CSF1: variants seen among roughly 807,000 people sequenced by gnomAD.
CSF1 encodes colony stimulating factor 1.
A neutral mutation model predicts 48.9 loss-of-function variants in CSF1; 9 were observed. The ratio of observed to expected loss-of-function variants is 0.18; its 90% CI spans 0.11 to 0.32. The LOEUF is 0.32. Among genes scored for constraint, CSF1 ranks in the 10% least tolerant of loss-of-function variants. The probability of loss-of-function intolerance (pLI) is 1.00; values close to 1 mark genes in which losing one functional copy is unlikely to be tolerated. For synonymous variants in CSF1, 305 were observed against 284.1 expected (o/e 1.07, Z -0.74); for missense variants, 672 against 697.9 (o/e 0.96, Z 0.42).
In CSF1 at chr1:109,930,209, G is replaced by A. The variant is rs1648011518; in HGVS notation, c.*1371G>A. ...CTCACCCTTCTTTCCTCCTGACCTT[G>A]GTCAGCAGTGATGACCTCCAACTCT... is the stretch of plus-strand genomic sequence containing the variant. On this transcript the variant is annotated 3_prime_UTR_variant, in exon 9 of 9. Transcript: ENST00000329608. 6.6e-6 allele frequency: 1 copy of A among 152,332 alleles called. No individual in the cohort carries two copies. Among genetic ancestry groups the A allele is most frequent in the Non-Finnish European group, 1.5e-5 (1 of 68,184 alleles). 9.4% of individuals were successfully genotyped at this position (152,332 alleles called of 1,614,324 possible).
chr1:109,924,341 G>A (rs944540246), intron 6 of CSF1, 151 bp downstream of exon 6: 3 of 683,140 alleles, frequency 4.4e-6, no homozygotes, highest in Non-Finnish European at 4.8e-6. Flanking sequence ...ATGAGAGGTG[G>A]AAATGGAGGA....
chr1:109,923,180 C>A lies in CSF1; in HGVS notation c.559C>A (p.Pro187Thr), dbSNP rs756181383. ...GGTTCTTTCAGATGTGGTGACCAAG[C>A]CTGATTGCAACTGCCTGTACCCCAA... is the stretch of plus-strand genomic sequence containing the variant. The part of the protein sequence containing the change: ...ECSSQDVVTK[P>T]DCNCLYPKAI... Residue 187 changes from proline (P) to threonine (T), a missense_variant, in exon 6 of 9, where the codon CCT (proline) becomes ACT (threonine). Coordinates refer to ENST00000329608, the MANE Select transcript of CSF1 (RefSeq NM_000757.6). The A allele has an allele frequency of 2.0e-6, 3 of 1,518,822 alleles. No homozygotes were observed. Among genetic ancestry groups the A allele is most frequent in the Admixed American group, 2.2e-5 (1 of 44,832 alleles). 94.1% of individuals were successfully genotyped at this position (1,518,822 alleles called of 1,614,324 possible).
intron 4 of CSF1, among the ~76,000 whole-genome samples, chr1:109,918,385 G>A (rs1400960165): frequency 2.0e-5 from 3 of 152,162 alleles, no homozygotes; most frequent in African/African-American, 7.2e-5. Flanking sequence ...ACAGGCATGT[G>A]GCTTAATCTC....
Position 109,930,766 on chromosome 1 carries a change from C to T in CSF1, c.*1928C>T, listed in dbSNP as rs946315900. 7.2e-5 allele frequency: 11 copies of T among 152,196 alleles called. No homozygotes were observed. The highest frequency in any genetic ancestry group is 1.0e-4 in the Non-Finnish European group (7 of 68,036). The allele number at this position is 152,196 out of a possible 1,614,324, so 9.4% of individuals were successfully genotyped here. A position where few individuals can be genotyped will look rare whatever the true frequency, so the allele number is the denominator to read the frequency against. On this transcript the variant is annotated 3_prime_UTR_variant, in exon 9 of 9. Coordinates refer to ENST00000329608, the MANE Select transcript of CSF1 (RefSeq NM_000757.6). Reference sequence around the variant, plus strand: ...GCTCTTTTTGAGCACTTGGTGGCATCAGAGCAGGAGGAGCCCCAGAGCCAC... The same window carrying T: ...GCTCTTTTTGAGCACTTGGTGGCATTAGAGCAGGAGGAGCCCCAGAGCCAC...
chr1:109,924,699 C>T, intron 6 of CSF1, 77 bp from the exon 7 acceptor site: 1 of 1,289,898 alleles, frequency 7.8e-7, no homozygotes, highest in Non-Finnish European at 1.1e-6. Flanking sequence ...ATACCTGGGG[C>T]AGCCCTTACT....
At chr1:109,922,245 A>T in intron 5 of CSF1, 1 of 373,996 alleles carries the variant, frequency 2.7e-6, no homozygotes, top group Non-Finnish European at 4.8e-6. Flanking sequence ...GTCAAGAAGG[A>T]TCATGCTGGT....
intron 4 of CSF1, among the ~76,000 whole-genome samples, chr1:109,918,944 G>A (rs754808263): frequency 7.2e-5 from 11 of 152,084 alleles, no homozygotes; most frequent in Non-Finnish European, 1.6e-4. Context: ...GAGGATGGGG[G>A]ACCTGGCAAG....
chr1:109,924,105 A>G lies in CSF1; in HGVS notation c.1484A>G (p.Glu495Gly), dbSNP rs373422212. 5.0e-6 allele frequency: 8 copies of G among 1,614,064 alleles called. No homozygotes were observed. The African/African-American group carries it at 9.3e-5, about 19-fold the overall frequency. Reference protein sequence around the residue: ...SEGSFSPQLQESVFHLLVPSV... With the variant: ...SEGSFSPQLQGSVFHLLVPSV... ...GGATCCTTCAGCCCGCAGCTCCAGG[A>G]GTCTGTCTTCCACCTGCTGGTGCCC... The change falls in exon 6 of 9, where the codon GAG becomes GGG. Residue 495 changes from glutamate (E) to glycine (G), a missense_variant. Glu to Gly is a moderately conservative substitution (Grantham distance 98). Transcript: ENST00000329608.
rs757944487 is a variant in CSF1 at position 109,923,773 on chromosome 1, C to G, written c.1152C>G (p.Pro384=). ...RPTGQDWNHT[P]QKTDHPSALL... is the part of the protein sequence containing the mutation. ...CTGGCCAGGACTGGAATCACACCCC[C>G]CAGAAGACAGACCATCCATCTGCCC... Residue 384 remains proline (P), a synonymous_variant, in exon 6 of 9, where the codon CCC becomes CCG. Transcript: ENST00000329608. 2 of 1,608,430 alleles carry G rather than the reference C, an allele frequency of 1.2e-6. No homozygotes were observed. The highest frequency in any genetic ancestry group is 1.7e-6 in the Non-Finnish European group (2 of 1,177,274).
Position 109,925,151 on chromosome 1 carries a change from C to T in CSF1, c.1627C>T (p.Leu543=), listed in dbSNP as rs764243383. 1.2e-5 allele frequency: 19 copies of T among 1,613,836 alleles called. No individual in the cohort carries two copies. The South Asian group carries it at 1.3e-4, about 11-fold the overall frequency. ...SPLEQPEGSP[L]TQDDRQVELP... ...AGCCCTGTGCTCTGCCTGCAGCCCC[C>T]TGACTCAGGATGACAGACAGGTGGA... The change falls in exon 8 of 9, where the codon CTG becomes TTG. Residue 543 remains leucine, a synonymous_variant. Coordinates refer to ENST00000329608, the MANE Select transcript of CSF1 (RefSeq NM_000757.6).
intron 4 of CSF1, among the ~76,000 whole-genome samples, chr1:109,918,465 C>A (rs943782910): frequency 5.3e-5 from 8 of 152,066 alleles, no homozygotes; most frequent in Non-Finnish European, 1.0e-4. Flanking sequence ...GGCTGGGAGA[C>A]CAGCAGAAGG....
chr1:109,922,727 C>CTGTGGG (rs1647619064), intron 5 of CSF1, among the ~76,000 whole-genome samples: 1 of 93,610 alleles, frequency 1.1e-5, no homozygotes, highest in Non-Finnish European at 2.1e-5. Flanking sequence ...CTGCCTGTGG[C>CTGTGGG]TGTGGCTGTG....
rs1314734472 is a variant in CSF1, at chr1:109,921,897, C to G, written c.447C>G (p.Val149=). 1 of 1,611,632 alleles carries G rather than the reference C, an allele frequency of 6.2e-7. No homozygotes were observed. Among genetic ancestry groups the G allele is most frequent in the Non-Finnish European group, 8.5e-7 (1 of 1,178,394 alleles). Residue 149 remains valine, a synonymous_variant, in exon 5 of 9, where the codon GTC becomes GTG. Coordinates refer to ENST00000329608, the MANE Select transcript of CSF1 (RefSeq NM_000757.6). ...YETPLQLLEK[V]KNVFNETKNL... is the part of the protein sequence containing the mutation. ...CACCTCTCCAGTTGCTGGAGAAGGT[C>G]AAGAATGTCTTTAATGAAACAAAGA...
chr1:109,915,596 A>T, intron 2 of CSF1, 38 bp from the exon 3 acceptor site: 1 of 1,568,156 alleles, frequency 6.4e-7, no homozygotes, highest in South Asian at 1.1e-5. Flanking sequence ...GTTGAGCTGT[A>T]GGTTACCCTG....
At chr1:109,920,112 G>C (rs72974779) in intron 4 of CSF1, among the ~76,000 whole-genome samples, 11,043 of 151,468 alleles carry the variant, frequency 0.073, 699 homozygotes, top group African/African-American at 0.17. Context: ...AGCTGGAGGA[G>C]CTAGCTCCCA....
chr1:109,922,897 C>A (rs1647628428), intron 5 of CSF1, among the ~76,000 whole-genome samples: 1 of 152,138 alleles, frequency 6.6e-6, no homozygotes, highest in Non-Finnish European at 1.5e-5. Flanking sequence ...ATGGGCTGTT[C>A]TCTTATCTTC....
At chr1:109,922,984 T>A (rs1051301907) in intron 5 of CSF1, among the ~76,000 whole-genome samples, 182 bp from the exon 6 acceptor site, 2 of 152,010 alleles carry the variant, frequency 1.3e-5, no homozygotes, top group African/African-American at 4.8e-5. Flanking sequence ...TACGGCACCT[T>A]CCCTGTGTCA....
At position 109,930,980 on chromosome 1, in the gene CSF1, G is replaced by C. The variant is rs1229544560; in HGVS notation, c.*2142G>C. On this transcript the variant is annotated 3_prime_UTR_variant, in exon 9 of 9. Coordinates refer to ENST00000329608, the MANE Select transcript of CSF1 (RefSeq NM_000757.6). The stretch of plus-strand genomic sequence containing the variant: ...GCTTATATATTTAATAATAAAAGAA[G>C]TGCACAAGCTGCCATGTGAGTCGTG... The C allele has an allele frequency of 6.6e-6, 1 of 152,156 alleles. No individual in the cohort carries two copies. Among genetic ancestry groups the C allele is most frequent in the Non-Finnish European group, 1.5e-5 (1 of 68,038 alleles). 9.4% of individuals were successfully genotyped at this position (152,156 alleles called of 1,614,324 possible). A position where few individuals can be genotyped will look rare whatever the true frequency, so the allele number is the denominator to read the frequency against.
intron 8 of CSF1, among the ~76,000 whole-genome samples, chr1:109,927,326 C>T (rs1647884237): frequency 6.6e-6 from 1 of 152,226 alleles, no homozygotes; most frequent in African/African-American, 2.4e-5. Flanking sequence ...CCTATTTAGA[C>T]AAGAACCAGC....
Sources: allele counts gnomAD v4.1 joint callset (sites outside exome capture counted in the v4.1 genomes callset), GRCh38; gene constraint gnomAD v4.1.1; transcripts MANE v1.5; gene names NCBI Gene and HGNC (gene_info 2026-07-23, HGNC 2026-07-21).